KANSL3: variants seen among roughly 807,000 people sequenced by gnomAD.
KANSL3 encodes the protein NSL complex protein NSL3.
A neutral mutation model predicts 89.2 loss-of-function variants in KANSL3; 16 were observed. The observed-to-expected ratio is 0.18, with a 90% CI of 0.12 to 0.27. The LOEUF (loss-of-function observed/expected upper bound fraction) is 0.27. Ranked by LOEUF, KANSL3 falls within the 10% of genes least tolerant of loss-of-function variation. KANSL3 has a pLI of 1.00. For missense variants in KANSL3, 879 were observed against 1,110.6 expected (o/e 0.79, Z 2.96); for synonymous variants, 385 against 419.7 (o/e 0.92, Z 1.01).
chr2:96,630,350 T>G (rs567133921), intron 3 of KANSL3, among the ~76,000 whole-genome samples: 1 of 152,208 alleles, frequency 6.6e-6, no homozygotes, highest in Non-Finnish European at 1.5e-5. Flanking sequence ...ATAAAAAGCA[T>G]GAAGTGCTGA....
intron 3 of KANSL3, among the ~76,000 whole-genome samples, chr2:96,621,220 G>C (rs1019581254): frequency 1.3e-5 from 2 of 151,970 alleles, no homozygotes; most frequent in African/African-American, 2.4e-5. Context: ...AAAGAGAAAT[G>C]TAACTACATA....
chr2:96,607,290 G>T (rs1407214658), intron 14 of KANSL3, among the ~76,000 whole-genome samples: 1 of 152,084 alleles, frequency 6.6e-6, no homozygotes, highest in Non-Finnish European at 1.5e-5. Context: ...CATGAAGAAG[G>T]CATGGCACAC....
intron 3 of KANSL3, among the ~76,000 whole-genome samples, chr2:96,620,624 T>G (rs1286114488): frequency 1.3e-5 from 2 of 152,160 alleles, no homozygotes; most frequent in Admixed American, 6.5e-5. Flanking sequence ...TAACTCTGGC[T>G]AGTGACCTTC....
intron 2 of KANSL3, among the ~76,000 whole-genome samples, chr2:96,634,858 C>T (rs1263593688): frequency 2.6e-5 from 4 of 152,192 alleles, no homozygotes; most frequent in African/African-American, 9.7e-5. Context: ...CAAACCTATC[C>T]TCCTCCAGTC....
chr2:96,620,585 T>C (rs2071075392), intron 3 of KANSL3, among the ~76,000 whole-genome samples: 1 of 152,052 alleles, frequency 6.6e-6, no homozygotes, highest in African/African-American at 2.4e-5. Flanking sequence ...TTCACCCCAC[T>C]CCCAGCAATC....
the KANSL3 span, among the ~76,000 whole-genome samples, chr2:96,586,058 C>G: frequency 2.6e-5 from 4 of 152,020 alleles, no homozygotes; most frequent in African/African-American, 9.7e-5. Context: ...GAAACCATAT[C>G]TACCAAGAAT....
chr2:96,629,093 T>C (rs899448494), intron 3 of KANSL3, among the ~76,000 whole-genome samples: 1 of 152,130 alleles, frequency 6.6e-6, no homozygotes, highest in Non-Finnish European at 1.5e-5. Context: ...CAAGAGTCAT[T>C]GGGAGGATTA....
intron 2 of KANSL3, among the ~76,000 whole-genome samples, chr2:96,631,909 T>C (rs1378335113): frequency 6.6e-6 from 1 of 151,934 alleles, no homozygotes; most frequent in African/African-American, 2.4e-5. Flanking sequence ...TAGCTGGGCA[T>C]GTGGCACACA....
intron 2 of KANSL3, among the ~76,000 whole-genome samples, chr2:96,634,577 A>G (rs1200605341): frequency 1.3e-5 from 2 of 152,030 alleles, no homozygotes; most frequent in Non-Finnish European, 2.9e-5. Context: ...CCACTTTATG[A>G]TACATTGCAC....
chr2:96,627,459 C>T (rs2072561071), intron 3 of KANSL3, among the ~76,000 whole-genome samples: 1 of 152,216 alleles, frequency 6.6e-6, no homozygotes, highest in South Asian at 2.1e-4. Flanking sequence ...AAATTATCTT[C>T]CCGCCTCAGC....
At chr2:96,635,911 T>C (rs10167528) in intron 2 of KANSL3, among the ~76,000 whole-genome samples, 2,705 of 150,866 alleles carry the variant, frequency 0.018, 88 homozygotes, top group African/African-American at 0.062. Context: ...GGAGAATCGC[T>C]CAAACCCAGG....
intron 3 of KANSL3, 108 bp from the exon 4 acceptor site, chr2:96,619,870 CA>C (rs2070923632): frequency 1.1e-6 from 1 of 878,048 alleles, no homozygotes; most frequent in African/African-American, 1.7e-5. Flanking sequence ...TGCTAGGGAA[CA>C]GTAAAACGAA....
At chr2:96,601,019 G>T in intron 20 of KANSL3, 1 of 444,938 alleles carries the variant, frequency 2.2e-6, no homozygotes, top group Non-Finnish European at 3.0e-6. Context: ...AGGAGCGGTG[G>T]CTCACACCTG....
chr2:96,604,147 C>T, intron 17 of KANSL3, 103 bp downstream of exon 17: 1 of 1,325,630 alleles, frequency 7.5e-7, no homozygotes, highest in Non-Finnish European at 1.0e-6. Flanking sequence ...ACCCAGAGGC[C>T]CATCCTATGG....
At position 96,595,946 on chromosome 2, in the gene KANSL3, A is replaced by T. The variant is rs1004704379; in HGVS notation, c.2617-315T>A. Among the ~76,000 whole-genome samples the T allele has an allele frequency of 3.9e-5, 6 of 152,348 alleles. No homozygotes were observed. The East Asian group carries it at 5.8e-4, about 15-fold the overall frequency. On this transcript the variant is annotated intron_variant, in intron 20 of 20. Coordinates refer to ENST00000431828, the MANE Select transcript of KANSL3 (RefSeq NM_001115016.3). ...GGTCACCGTAAGGATTAAATGAAAT[A>T]ATCCACATAAAGCTCCTGAGTTTAA...
rs564691699 is a variant in KANSL3 at position 96,636,896 on chromosome 2, G to A, written c.215+25C>T. The A allele has an allele frequency of 3.3e-4, 486 of 1,483,066 alleles. 9 individuals carry two copies. In the South Asian group the frequency reaches 6.3e-3, roughly 19 times the overall value. The allele number at this position is 1,483,066 out of a possible 1,614,324, so 91.9% of individuals were successfully genotyped here. On this transcript the variant is annotated intron_variant, in intron 2 of 20. Coordinates refer to ENST00000431828, the MANE Select transcript of KANSL3 (RefSeq NM_001115016.3). ...TGATCACTGCCCAGTGAGGTTACCAGCAGCCCTTAGAAGCCCCAACTCACA... is the reference window on the plus strand; with the variant it reads ...TGATCACTGCCCAGTGAGGTTACCAACAGCCCTTAGAAGCCCCAACTCACA...
At chr2:96,619,240 T>A in intron 5 of KANSL3, 119 bp downstream of exon 5, 1 of 817,796 alleles carries the variant, frequency 1.2e-6, no homozygotes, top group Non-Finnish European at 1.9e-6. Context: ...ACCAAACCCA[T>A]TAGTTTTGGC....
intron 20 of KANSL3, among the ~76,000 whole-genome samples, chr2:96,599,191 G>A (rs1290489717): frequency 6.6e-6 from 1 of 152,178 alleles, no homozygotes; most frequent in East Asian, 1.9e-4. Context: ...TAGATGAGTG[G>A]AGGAATGATG....
Position 96,619,641 on chromosome 2 carries a change from G to A in KANSL3, c.477+31C>T, listed in dbSNP as rs1249293480. 1.9e-6 allele frequency: 3 copies of A among 1,588,960 alleles called. No individual in the cohort carries two copies. The African/African-American group carries it at 4.0e-5, about 21-fold the overall frequency. The stretch of plus-strand genomic sequence containing the variant: ...GCCAGTGAGGCCTGAACTACGAAGA[G>A]CCCACTGTGGGCGGATTGCTGGTGT... On this transcript the variant is annotated intron_variant, in intron 4 of 20. Transcript: ENST00000431828.
Sources: gnomAD v4.1 joint callset for allele counts (sites outside exome capture counted in the v4.1 genomes callset) on GRCh38, gnomAD v4.1.1 for gene constraint, MANE v1.5 for transcripts, NCBI Gene and HGNC (gene_info 2026-07-23, HGNC 2026-07-21) for gene names.